IL1RAP: variants seen among roughly 807,000 people sequenced by gnomAD.
IL1RAP encodes the protein interleukin-1 receptor accessory protein.
Under a neutral mutation model 60.7 loss-of-function variants are expected in IL1RAP, and 35 were observed. The ratio of observed to expected loss-of-function variants is 0.58; its 90% CI spans 0.44 to 0.76. The LOEUF is 0.76. Among genes scored for constraint, IL1RAP ranks in the 30% least tolerant of loss-of-function variants. The pLI is 0.00. For missense variants in IL1RAP, 572 were observed against 693.9 expected, an observed-to-expected ratio of 0.82 and a Z score of 1.97; for synonymous variants, 268 against 250.9, an observed-to-expected ratio of 1.07 and a Z score of -0.64.
chr3:190,651,568 TG>T (rs1322533112), downstream of IL1RAP: 2 of 194,968 alleles, frequency 1.0e-5, no homozygotes, highest in Non-Finnish European at 1.9e-5. Flanking sequence ...ATTTCACATT[TG>T]GTCATAAGTG....
rs886516869 is a variant in IL1RAP, at chr3:190,648,776, G to T, written c.*71G>T. ...GAAAGAGTCCCCCCAGTCTTCATTC[G>T]CAGTTTATGGTTTCATAGGCAAAAA... On this transcript the variant is annotated 3_prime_UTR_variant, in exon 12 of 12. Transcript: ENST00000447382. The T allele has an allele frequency of 6.6e-6, 10 of 1,515,418 alleles. No homozygotes were observed. Among genetic ancestry groups the T allele is most frequent in the East Asian group, 2.3e-5 (1 of 43,982 alleles). 93.9% of individuals were successfully genotyped at this position (1,515,418 alleles called of 1,614,324 possible).
At chr3:190,554,021 A>G (rs1277916210) in intron 1 of IL1RAP, among the ~76,000 whole-genome samples, 1 of 140,320 alleles carries the variant, frequency 7.1e-6, no homozygotes, top group Non-Finnish European at 1.5e-5. Context: ...AGATCCCGCC[A>G]CTGCACTCCA....
downstream of IL1RAP, chr3:190,656,465 T>G (rs1045373854): frequency 1.3e-6 from 2 of 1,537,146 alleles, no homozygotes; most frequent in African/African-American, 1.4e-5. Flanking sequence ...GAGACACACC[T>G]CTGTAAGCCT....
chr3:190,595,965 G>A (rs1370679664), intron 3 of IL1RAP, among the ~76,000 whole-genome samples: 2 of 152,264 alleles, frequency 1.3e-5, no homozygotes, highest in Non-Finnish European at 2.9e-5. Flanking sequence ...TACTGAGCTC[G>A]TTTTGCATGC....
In IL1RAP at chr3:190,564,317, C is replaced by A; in HGVS notation, c.28C>A (p.Leu10Ile). The change falls in exon 3 of 12, where the codon CTC (leucine) becomes ATC (isoleucine). Residue 10 changes from leucine (L) to isoleucine (I), a missense_variant. Physicochemically the swap from Leu to Ile is conservative, Grantham distance 5. Transcript: ENST00000447382. MTLLWCVVS[L>I]YFYGILQSDA... ...GACACTTCTGTGGTGTGTAGTGAGT[C>A]TCTACTTTTATGGAATCCTGCAAAG... 1 of 1,612,052 alleles carries A rather than the reference C, an allele frequency of 6.2e-7. No homozygotes were observed. The highest frequency in any genetic ancestry group is 8.5e-7 in the Non-Finnish European group (1 of 1,178,318).
intron 1 of IL1RAP, among the ~76,000 whole-genome samples, chr3:190,521,406 A>T (rs1392445750): frequency 6.6e-6 from 1 of 152,022 alleles, no homozygotes; most frequent in African/African-American, 2.4e-5. Context: ...GCAGCTAATA[A>T]ATAGTAGAAC....
chr3:190,587,724 T>C (rs1212814725), intron 3 of IL1RAP, among the ~76,000 whole-genome samples: 1 of 152,168 alleles, frequency 6.6e-6, no homozygotes, highest in East Asian at 1.9e-4. Context: ...GGGCGGAGTG[T>C]TTGAGGGAAG....
At position 190,651,165 on chromosome 3, in the gene IL1RAP, ATTTTT is replaced by A. The variant is rs201120230; in HGVS notation, c.*2463_*2467del. On this transcript the variant is annotated 3_prime_UTR_variant, in exon 12 of 12. Transcript: ENST00000447382. Reference sequence around the variant, plus strand: ...AGAACAAGAACAAACCATGTCTCAAATTTTTTTAAAAAAAATTAATGGTTTTAAAT... The same window carrying A: ...AGAACAAGAACAAACCATGTCTCAAATTAAAAAAAATTAATGGTTTTAAAT... The A allele has an allele frequency of 4.2e-3, 4,128 of 982,582 alleles. 140 individuals are homozygous for A. The African/African-American group carries it at 0.067, about 16-fold the overall frequency. The allele number at this position is 982,582 out of a possible 1,614,324, so 60.9% of individuals were successfully genotyped here.
rs555316359 is a variant in IL1RAP at position 190,628,950 on chromosome 3, A to T, written c.903-400A>T. 5.3e-5 allele frequency among the ~76,000 whole-genome samples: 8 copies of T among 152,324 alleles called. No individual in the cohort carries two copies. In the Middle Eastern group the frequency reaches 0.014, roughly 259 times the overall value. On this transcript the variant is annotated intron_variant, in intron 8 of 11. Transcript: ENST00000447382. ...GAGGAACCTGAGACCTGGAAAGATT[A>T]GTTATCTCACCCAAAGTATATAGCC...
At chr3:190,559,712 T>A (rs1002842234) in intron 2 of IL1RAP, among the ~76,000 whole-genome samples, 1 of 152,246 alleles carries the variant, frequency 6.6e-6, no homozygotes, top group Non-Finnish European at 1.5e-5. Flanking sequence ...GTTATTGATT[T>A]CTAGTTTAAT....
chr3:190,536,168 T>C (rs891770124), intron 1 of IL1RAP, among the ~76,000 whole-genome samples: 4 of 152,230 alleles, frequency 2.6e-5, no homozygotes, highest in Non-Finnish European at 5.9e-5. Context: ...ACATGCCTCC[T>C]TATAAAAGCC....
chr3:190,609,305 GCTTT>G, intron 5 of IL1RAP, 124 bp downstream of exon 5: 1 of 617,514 alleles, frequency 1.6e-6, no homozygotes, highest in Non-Finnish European at 2.6e-6. Context: ...TTCCGTAATA[GCTTT>G]ATGGAAGTAT....
chr3:190,552,851 GA>G (rs1442494365), intron 1 of IL1RAP, among the ~76,000 whole-genome samples: 3 of 152,126 alleles, frequency 2.0e-5, no homozygotes, highest in Admixed American at 2.0e-4. Context: ...CCAAGAAAAG[GA>G]AAACATAAAG....
chr3:190,581,000 A>T (rs1727951009), intron 3 of IL1RAP, among the ~76,000 whole-genome samples: 1 of 152,162 alleles, frequency 6.6e-6, no homozygotes, highest in Admixed American at 6.5e-5. Context: ...AGTGGTTTTT[A>T]AAAAAGAAAC....
In IL1RAP at chr3:190,627,367, A is replaced by C. The variant is rs766983457; in HGVS notation, c.820A>C (p.Met274Leu). The C allele has an allele frequency of 5.8e-5, 94 of 1,611,062 alleles. No homozygotes were observed. Among genetic ancestry groups the C allele is most frequent in the Non-Finnish European group, 7.8e-5 (92 of 1,179,490 alleles). Residue 274 changes from methionine to leucine, a missense_variant, in exon 8 of 12, where the codon ATG becomes CTG. By Grantham distance (15) the Met-to-Leu change is conservative. Coordinates refer to ENST00000447382, the MANE Select transcript of IL1RAP (RefSeq NM_002182.4). The stretch of plus-strand genomic sequence containing the variant: ...CTGTACGGTCTATTTTAGTTTTCTG[A>C]TGGATTCTCGCAATGAGGTTTGGTG... ...IPCTVYFSFLMDSRNEVWWTI... is the reference protein window; with the variant it reads ...IPCTVYFSFLLDSRNEVWWTI...
At chr3:190,592,867 G>T (rs2108721230) in intron 3 of IL1RAP, among the ~76,000 whole-genome samples, 1 of 152,008 alleles carries the variant, frequency 6.6e-6, no homozygotes, top group African/African-American at 2.4e-5. Context: ...CTTTGTTCAG[G>T]TTTACTTTGT....
chr3:190,570,707 A>G (rs575684278), intron 3 of IL1RAP, among the ~76,000 whole-genome samples: 1 of 152,298 alleles, frequency 6.6e-6, no homozygotes, highest in African/African-American at 2.4e-5. Flanking sequence ...CTGGGATTAC[A>G]GGCATTTGCC....
chr3:190,528,779 T>A (rs1372498152), intron 1 of IL1RAP, among the ~76,000 whole-genome samples: 1 of 152,212 alleles, frequency 6.6e-6, no homozygotes, highest in Non-Finnish European at 1.5e-5. Flanking sequence ...ATTGTGTAAC[T>A]CAGGAAGGGC....
At chr3:190,533,118 A>G (rs879204651) in intron 1 of IL1RAP, among the ~76,000 whole-genome samples, 1 of 152,324 alleles carries the variant, frequency 6.6e-6, no homozygotes, top group Admixed American at 6.5e-5. Flanking sequence ...TTGAATGCCC[A>G]TAGGTGTCTG....
Sources: allele counts gnomAD v4.1 joint callset (sites outside exome capture counted in the v4.1 genomes callset), GRCh38; gene constraint gnomAD v4.1.1; transcripts MANE v1.5; gene names NCBI Gene and HGNC (gene_info 2026-07-23, HGNC 2026-07-21).